Variants in EYA3 observed in about 807,000 individuals in gnomAD.
The protein encoded by EYA3 is protein phosphatase EYA3.
Under a neutral mutation model 80.0 loss-of-function variants are expected in EYA3, and 39 were observed. The observed-to-expected ratio is 0.49, with a 90% CI of 0.38 to 0.64. The LOEUF is 0.64. Ranked by LOEUF, EYA3 falls within the 30% of genes least tolerant of loss-of-function variation. The pLI, the probability that EYA3 is intolerant of heterozygous loss-of-function variation, is 0.00. For missense variants in EYA3, 523 were observed against 676.1 expected (o/e 0.77, Z 2.51); for synonymous variants, 206 against 232.8 (o/e 0.88, Z 1.05).
chr1:28,004,185 A>C (rs923797572), intron 11 of EYA3, 151 bp downstream of exon 11: 5 of 535,132 alleles, frequency 9.3e-6, no homozygotes, highest in African/African-American at 1.9e-5. Flanking sequence ...TGCCTAATAC[A>C]AGCCATTTGC....
intron 3 of EYA3, among the ~76,000 whole-genome samples, chr1:28,045,396 A>G (rs536987980): frequency 2.0e-5 from 3 of 152,324 alleles, no homozygotes; most frequent in African/African-American, 7.2e-5. Flanking sequence ...TTTTCCTGAC[A>G]TCAATAACTA....
At chr1:28,014,417 CAAAAAAAAAA>C (rs1173842687) in intron 8 of EYA3, among the ~76,000 whole-genome samples, 13 of 49,530 alleles carry the variant, frequency 2.6e-4, no homozygotes, top group South Asian at 1.4e-3. Flanking sequence ...CACACTGTCT[CAAAAAAAAAA>C]AAAAAAAAAA....
chr1:28,034,166 A>G (rs1362155573), intron 6 of EYA3, among the ~76,000 whole-genome samples: 1 of 152,100 alleles, frequency 6.6e-6, no homozygotes, highest in Non-Finnish European at 1.5e-5. Context: ...TGCACACAGA[A>G]TTATCTGAGG....
chr1:28,073,193 C>T (rs1298458637), intron 1 of EYA3, among the ~76,000 whole-genome samples: 1 of 123,782 alleles, frequency 8.1e-6, no homozygotes, highest in Non-Finnish European at 1.6e-5. Flanking sequence ...AGTGCAGTGG[C>T]GTGATCTTGG....
At chr1:28,070,853 T>C (rs1240114936) in intron 1 of EYA3, among the ~76,000 whole-genome samples, 1 of 152,170 alleles carries the variant, frequency 6.6e-6, no homozygotes, top group Non-Finnish European at 1.5e-5. Context: ...ACAAGATCTT[T>C]CCAACGCCTT....
At chr1:27,997,837 G>T (rs151219722) in intron 12 of EYA3, among the ~76,000 whole-genome samples, 1 of 152,272 alleles carries the variant, frequency 6.6e-6, no homozygotes, top group Non-Finnish European at 1.5e-5. Context: ...TGGTAGTGTG[G>T]TATCAAAACC....
intron 17 of EYA3, chr1:27,977,231 A>C: frequency 6.5e-7 from 1 of 1,530,308 alleles, no homozygotes; most frequent in Non-Finnish European, 8.8e-7. Context: ...GAATTGCTAC[A>C]TAAAGTGACA....
chr1:28,011,043 A>C lies in EYA3; in HGVS notation c.813T>G (p.Ser271Arg). ...TCCTGGACTGATCATCAGTATCTTT[A>C]CTTGGTGTAGTCTGGGACAAAGATG... The part of the protein sequence containing the change: ...TSPSLSQTTP[S>R]KDTDDQSRKN... Residue 271 changes from serine to arginine, a missense_variant, in exon 10 of 18, where the codon AGT (serine) becomes AGG (arginine). Around this residue, in one of 2 missense-constraint regions of EYA3, gnomAD observed 304 missense variants for 343.3 expected, o/e 0.89. Transcript: ENST00000373871. 6.2e-7 allele frequency: 1 copy of C among 1,613,954 alleles called. No individual in the cohort carries two copies. Among genetic ancestry groups the C allele is most frequent in the African/African-American group, 1.3e-5 (1 of 75,002 alleles).
chr1:28,057,519 T>A (rs1257371655), intron 2 of EYA3, among the ~76,000 whole-genome samples: 12 of 152,132 alleles, frequency 7.9e-5, no homozygotes, highest in Non-Finnish European at 1.8e-4. Flanking sequence ...TTAAAATTAT[T>A]TTATTATGTT....
At position 28,084,557 on chromosome 1, in the gene EYA3, AT is replaced by A. The variant is rs1338240136; in HGVS notation, c.-69+3966del. Among the ~76,000 whole-genome samples the A allele has an allele frequency of 5.3e-4, 3 of 5,688 alleles. 1 individual carries two copies. The highest frequency in any genetic ancestry group is 3.6e-4 in the Non-Finnish European group (1 of 2,760). The allele number at this position is 5,688 out of a possible 152,430, so 3.7% of individuals were successfully genotyped here. On this transcript the variant is annotated intron_variant, in intron 1 of 17. Coordinates refer to ENST00000373871, the MANE Select transcript of EYA3 (RefSeq NM_001990.4). ...TCTGGGAAGCATTGACTATTCCAAA[AT>A]ATATATATATATATATATATATATA...
chr1:28,048,292 G>A, intron 3 of EYA3, 91 bp downstream of exon 3: 1 of 762,880 alleles, frequency 1.3e-6, no homozygotes, highest in Non-Finnish European at 2.0e-6. Context: ...ACCAAAAAGA[G>A]GGCAAAGCAT....
At chr1:28,029,811 T>C (rs1420800367) in intron 6 of EYA3, among the ~76,000 whole-genome samples, 5 of 151,636 alleles carry the variant, frequency 3.3e-5, no homozygotes, top group African/African-American at 1.2e-4. Flanking sequence ...GTCAGGCTGG[T>C]CTCGAACTCC....
intron 8 of EYA3, among the ~76,000 whole-genome samples, chr1:28,014,353 G>A (rs150334147): frequency 6.7e-6 from 1 of 149,312 alleles, no homozygotes; most frequent in Non-Finnish European, 1.5e-5. Flanking sequence ...TTGAGCCCAG[G>A]GGGCAAAGGT....
At chr1:28,015,952 T>C (rs1642029216) in intron 8 of EYA3, among the ~76,000 whole-genome samples, 1 of 152,188 alleles carries the variant, frequency 6.6e-6, no homozygotes. Context: ...TGATTTTACA[T>C]ATGTTGAACT....
chr1:28,063,703 T>G (rs547687537), intron 1 of EYA3, among the ~76,000 whole-genome samples: 1 of 152,280 alleles, frequency 6.6e-6, no homozygotes, highest in South Asian at 2.1e-4. Context: ...ATTTGAATTA[T>G]GAATTCAAAG....
At chr1:28,044,571 C>T (rs150513119) in intron 3 of EYA3, among the ~76,000 whole-genome samples, 10 of 152,218 alleles carry the variant, frequency 6.6e-5, no homozygotes, top group African/African-American at 2.4e-4. Context: ...ACCAGAGGTT[C>T]TATATATCTG....
At position 27,974,441 on chromosome 1, in the gene EYA3, A is replaced by C; in HGVS notation, c.*25T>G. The C allele has an allele frequency of 6.3e-7, 1 of 1,595,210 alleles. No homozygotes were observed. Among genetic ancestry groups the C allele is most frequent in the Non-Finnish European group, 8.6e-7 (1 of 1,164,704 alleles). On this transcript the variant is annotated 3_prime_UTR_variant, in exon 18 of 18. Coordinates refer to ENST00000373871, the MANE Select transcript of EYA3 (RefSeq NM_001990.4). Reference sequence around the variant, plus strand: ...CCCTTCAGGAGTGAAAAGGAGCTCAAGGGGAAGGCTCCTCATTCCAGTTCT... The same window carrying C: ...CCCTTCAGGAGTGAAAAGGAGCTCACGGGGAAGGCTCCTCATTCCAGTTCT...
rs56017264 is a variant in EYA3 at position 28,020,667 on chromosome 1, CGTGTGTGTGTGTGTGTGT to C, written c.500-3446_500-3429del. On this transcript the variant is annotated intron_variant, in intron 7 of 17. Transcript: ENST00000373871. ...GCACTTTTAAAAAAATACAGATCATCGTGTGTGTGTGTGTGTGTGTGTGTGTGTGTGTGTGTGTGTGTG... is the reference window on the plus strand; with the variant it reads ...GCACTTTTAAAAAAATACAGATCATCGTGTGTGTGTGTGTGTGTGTGTGTG... 6.3e-4 allele frequency among the ~76,000 whole-genome samples: 85 copies of C among 134,564 alleles called. 1 individual carries two copies. The highest frequency in any genetic ancestry group is 3.6e-3 in the Middle Eastern group (1 of 280). 88.3% of individuals were successfully genotyped at this position (134,564 alleles called of 152,430 possible).
chr1:27,974,569 G>A (rs775727028), intron 17 of EYA3, 23 bp from the exon 18 acceptor site: 3 of 1,595,956 alleles, frequency 1.9e-6, no homozygotes, highest in South Asian at 1.1e-5. Context: ...GGGAATAGCT[G>A]GTTAATCCAA....
Sources: allele counts gnomAD v4.1 joint callset (sites outside exome capture counted in the v4.1 genomes callset), GRCh38; gene constraint gnomAD v4.1.1; regional missense constraint gnomAD v4.1.1; transcripts MANE v1.5; gene names NCBI Gene and HGNC (gene_info 2026-07-23, HGNC 2026-07-21).